CYP4X1: variants seen among roughly 807,000 people sequenced by gnomAD.
The protein encoded by CYP4X1 is cytochrome P450 4X1.
CYP4X1 carries 44 observed loss-of-function variants against 57.9 expected under a neutral mutation model. That is an observed-to-expected ratio of 0.76 (90% CI 0.60 to 0.98). The LOEUF (loss-of-function observed/expected upper bound fraction) is 0.98. Among genes scored for constraint, CYP4X1 ranks in the 50% least tolerant of loss-of-function variants. CYP4X1 has a pLI of 0.00. For missense variants in CYP4X1, 532 were observed against 623.9 expected (o/e 0.85, Z 1.57); for synonymous variants, 227 against 228.6 (o/e 0.99, Z 0.06).
At chr1:47,016,621 G>A in the CYP4X1 span, among the ~76,000 whole-genome samples, 5 of 152,326 alleles carry the variant, frequency 3.3e-5, no homozygotes, top group South Asian at 1.0e-3. Context: ...GATTACAGGT[G>A]TGAACCTCTG....
At chr1:47,006,982 T>C in the CYP4X1 span, among the ~76,000 whole-genome samples, 2 of 152,222 alleles carry the variant, frequency 1.3e-5, no homozygotes, top group African/African-American at 4.8e-5. Flanking sequence ...TGCCTGCCTC[T>C]GTAGACTCCA....
chr1:47,012,928 T>C, the CYP4X1 span, among the ~76,000 whole-genome samples: 5 of 152,240 alleles, frequency 3.3e-5, no homozygotes, highest in Admixed American at 2.6e-4. Context: ...TTACTTAGTC[T>C]TCCTACTTAT....
intron 11 of CYP4X1, 89 bp from the exon 12 acceptor site, chr1:47,049,911 G>A (rs529054088): frequency 3.1e-6 from 4 of 1,305,230 alleles, no homozygotes; most frequent in Middle Eastern, 2.0e-4. Flanking sequence ...ACTTTACTGT[G>A]TACTTCAGAC....
At chr1:46,975,484 T>G in the CYP4X1 span, among the ~76,000 whole-genome samples, 1 of 152,082 alleles carries the variant, frequency 6.6e-6, no homozygotes, top group Non-Finnish European at 1.5e-5. Context: ...GGGTGCTAAA[T>G]ATACACCCCA....
At position 47,023,947 on chromosome 1, in the gene CYP4X1, C is replaced by A. The variant is rs1372844643; in HGVS notation, c.130C>A (p.Arg44Ser). 4.3e-6 allele frequency: 7 copies of A among 1,613,214 alleles called. No individual in the cohort carries two copies. In the East Asian group the frequency reaches 1.6e-4, roughly 36 times the overall value. Residue 44 changes from arginine to serine, a missense_variant, in exon 1 of 12, where the codon CGC (arginine) becomes AGC (serine). Transcript: ENST00000371901. Reference sequence around the variant, plus strand: ...GAGGCAGCGGCTGCTGCGGGACCTGCGCCCCTTCCCAGCGCCCCCCACCCA... The same window carrying A: ...GAGGCAGCGGCTGCTGCGGGACCTGAGCCCCTTCCCAGCGCCCCCCACCCA... ...LRRQRLLRDL[R>S]PFPAPPTHWF...
chr1:47,009,935 A>G, the CYP4X1 span, among the ~76,000 whole-genome samples: 1 of 152,324 alleles, frequency 6.6e-6, no homozygotes, highest in African/African-American at 2.4e-5. Flanking sequence ...TACCAAACAA[A>G]AAAAGTCCAG....
chr1:47,052,295 G>A (rs1644364502), downstream of CYP4X1, among the ~76,000 whole-genome samples: 1 of 151,866 alleles, frequency 6.6e-6, no homozygotes, highest in Non-Finnish European at 1.5e-5. Flanking sequence ...TTCGAAATAT[G>A]TGCCACAGAC....
the CYP4X1 span, among the ~76,000 whole-genome samples, chr1:46,964,113 C>T: frequency 6.6e-6 from 1 of 152,298 alleles, no homozygotes; most frequent in South Asian, 2.1e-4. Context: ...TTAAGGACTT[C>T]TCTACATTGG....
chr1:46,998,244 T>C, the CYP4X1 span, among the ~76,000 whole-genome samples: 1 of 152,090 alleles, frequency 6.6e-6, no homozygotes, highest in Non-Finnish European at 1.5e-5. Flanking sequence ...GGTGTGATCA[T>C]AGCTCACTGC....
the CYP4X1 span, among the ~76,000 whole-genome samples, chr1:46,975,557 G>A: frequency 1.3e-5 from 2 of 151,858 alleles, no homozygotes; most frequent in African/African-American, 4.8e-5. Flanking sequence ...AGGTTCCCTT[G>A]GAGGATGACC....
chr1:46,979,773 T>C, the CYP4X1 span, among the ~76,000 whole-genome samples: 1 of 152,152 alleles, frequency 6.6e-6, no homozygotes, highest in Non-Finnish European at 1.5e-5. Context: ...AAAAAGCTTA[T>C]CCACCAAGAT....
the CYP4X1 span, among the ~76,000 whole-genome samples, chr1:46,977,937 T>C: frequency 6.6e-6 from 1 of 152,088 alleles, no homozygotes; most frequent in African/African-American, 2.4e-5. Flanking sequence ...AGAGATTTTG[T>C]CACCACCAGG....
downstream of CYP4X1, among the ~76,000 whole-genome samples, chr1:47,054,619 T>G (rs1644381616): frequency 6.6e-6 from 1 of 152,200 alleles, no homozygotes; most frequent in South Asian, 2.1e-4. Flanking sequence ...TAGTTCTCCT[T>G]GAAGAGGTCC....
At chr1:47,001,314 T>C in the CYP4X1 span, among the ~76,000 whole-genome samples, 2 of 152,224 alleles carry the variant, frequency 1.3e-5, no homozygotes, top group Non-Finnish European at 2.9e-5. Context: ...GGGCCTGGGC[T>C]CTAAGGCACA....
At chr1:47,053,735 C>A (rs917313238), downstream of CYP4X1, among the ~76,000 whole-genome samples, 1 of 152,220 alleles carries the variant, frequency 6.6e-6, no homozygotes, top group African/African-American at 2.4e-5. Context: ...AGTCTCTGCT[C>A]ATATCCTTCG....
At chr1:47,016,575 T>G in the CYP4X1 span, among the ~76,000 whole-genome samples, 2 of 152,144 alleles carry the variant, frequency 1.3e-5, no homozygotes. Flanking sequence ...TCTCCTGACC[T>G]CGTGATCCAC....
the CYP4X1 span, among the ~76,000 whole-genome samples, chr1:47,015,911 C>A: frequency 6.6e-6 from 1 of 152,158 alleles, no homozygotes; most frequent in Non-Finnish European, 1.5e-5. Flanking sequence ...CCTATTAGTG[C>A]CACCTCCGTG....
At chr1:47,002,073 G>A in the CYP4X1 span, among the ~76,000 whole-genome samples, 3 of 152,234 alleles carry the variant, frequency 2.0e-5, no homozygotes, top group African/African-American at 7.2e-5. Flanking sequence ...CAGTGCCAGG[G>A]ACAGGGACAC....
upstream of CYP4X1, chr1:47,023,496 A>G (rs1323466751): frequency 3.7e-6 from 4 of 1,070,502 alleles, no homozygotes; most frequent in Non-Finnish European, 4.5e-6. Flanking sequence ...CAGCTTTAGC[A>G]TTATTTTACA....
Sources: gnomAD v4.1 joint callset for allele counts (sites outside exome capture counted in the v4.1 genomes callset) on GRCh38, gnomAD v4.1.1 for gene constraint, MANE v1.5 for transcripts, NCBI Gene and HGNC (gene_info 2026-07-23, HGNC 2026-07-21) for gene names.